ARHGAP32: variants seen among roughly 807,000 people sequenced by gnomAD.
The protein encoded by ARHGAP32 is rho GTPase-activating protein 32.
ARHGAP32 carries 51 observed loss-of-function variants against 186.5 expected under a neutral mutation model. The observed-to-expected ratio is 0.27, with a 90% CI of 0.22 to 0.35. ARHGAP32 has a LOEUF of 0.35. Among genes scored for constraint, ARHGAP32 ranks in the 10% least tolerant of loss-of-function variants. The pLI, the probability that ARHGAP32 is intolerant of heterozygous loss-of-function variation, is 1.00. For missense variants in ARHGAP32, 2,186 were observed against 2,623.5 expected (o/e 0.83, Z 3.64); for synonymous variants, 950 against 964.3 (o/e 0.99, Z 0.27).
intron 2 of ARHGAP32, among the ~76,000 whole-genome samples, chr11:129,125,681 T>C (rs1942642902): frequency 6.6e-6 from 1 of 152,006 alleles, no homozygotes; most frequent in African/African-American, 2.4e-5. Flanking sequence ...ACAGTTTACA[T>C]ACTTTTTTTT....
intron 2 of ARHGAP32, 44 bp from the exon 3 acceptor site, chr11:129,124,938 T>C (rs1362554399): frequency 1.4e-6 from 2 of 1,434,774 alleles, no homozygotes; most frequent in Non-Finnish European, 1.9e-6. Flanking sequence ...TACTTTAGTA[T>C]TACACTTTTT....
chr11:129,192,232 C>A lies in ARHGAP32; in HGVS notation c.-34G>T. ...TAAAAAACAAAAAAAACTAAACCTC[C>A]AGGCATGGAATAAAAAGCACCAACA... On this transcript the variant is annotated 5_prime_UTR_variant, in exon 1 of 23. The change creates a premature stop within an existing upstream ORF in the 5' untranslated region. Coordinates refer to ENST00000682385, the MANE Select transcript of ARHGAP32 (RefSeq NM_001378024.1). 2.0e-6 allele frequency: 3 copies of A among 1,484,442 alleles called. No homozygotes were observed. Among genetic ancestry groups the A allele is most frequent in the Non-Finnish European group, 2.8e-6 (3 of 1,065,118 alleles). 92.0% of individuals were successfully genotyped at this position (1,484,442 alleles called of 1,614,324 possible). A position where few individuals can be genotyped will look rare whatever the true frequency, so the allele number is the denominator to read the frequency against.
At chr11:129,192,499 T>A (rs144559653), upstream of ARHGAP32, among the ~76,000 whole-genome samples, 1 of 152,356 alleles carries the variant, frequency 6.6e-6, no homozygotes, top group African/African-American at 2.4e-5. Flanking sequence ...TCTGTAATAA[T>A]GACTCTTCTC....
chr11:129,249,882 A>G (rs1032748100), intron 1 of ARHGAP32, among the ~76,000 whole-genome samples: 2 of 152,088 alleles, frequency 1.3e-5, no homozygotes, highest in African/African-American at 4.8e-5. Context: ...CAACTTTGCC[A>G]CTTAACTGGT....
chr11:129,246,668 T>C (rs924665902), intron 1 of ARHGAP32, among the ~76,000 whole-genome samples: 3 of 152,218 alleles, frequency 2.0e-5, no homozygotes, highest in Non-Finnish European at 2.9e-5. Flanking sequence ...TAGACTATTT[T>C]TGACTATAGG....
chr11:129,212,405 C>A (rs1003335185), intron 1 of ARHGAP32, among the ~76,000 whole-genome samples: 1 of 152,006 alleles, frequency 6.6e-6, no homozygotes, highest in Admixed American at 6.6e-5. Flanking sequence ...TATGCACATA[C>A]AGAAAGTTTT....
At chr11:129,053,848 A>G (rs1288519400) in intron 10 of ARHGAP32, among the ~76,000 whole-genome samples, 1 of 152,200 alleles carries the variant, frequency 6.6e-6, no homozygotes, top group Non-Finnish European at 1.5e-5. Context: ...TTAACTGGAG[A>G]GTAAACATTT....
chr11:128,976,683 T>C, intron 19 of ARHGAP32, 49 bp from the exon 20 acceptor site: 1 of 1,474,994 alleles, frequency 6.8e-7, no homozygotes, highest in South Asian at 1.1e-5. Flanking sequence ...TTGTTACATA[T>C]GTGGTTAATG....
chr11:129,224,767 G>GC (rs1173141445), intron 1 of ARHGAP32, among the ~76,000 whole-genome samples: 1 of 11,006 alleles, frequency 9.1e-5, no homozygotes, highest in African/African-American at 3.4e-4. Flanking sequence ...CTTGGCTAGA[G>GC]CAAAAAAAAA....
In ARHGAP32 at chr11:128,967,249, CAAT is replaced by C. The variant is rs1300854995; in HGVS notation, c.*1655_*1657del. On this transcript the variant is annotated 3_prime_UTR_variant, in exon 23 of 23. Transcript: ENST00000682385. The stretch of plus-strand genomic sequence containing the variant: ...TCCTAATCTTTATACAATTTCACAG[CAAT>C]AATAGCAGCATGATTTTAGCCTCTT... 2 of 152,088 alleles carry C rather than the reference CAAT, an allele frequency of 1.3e-5. No homozygotes were observed. The highest frequency in any genetic ancestry group is 2.9e-5 in the Non-Finnish European group (2 of 68,020). The allele number at this position is 152,088 out of a possible 1,614,324, so 9.4% of individuals were successfully genotyped here. A position where few individuals can be genotyped will look rare whatever the true frequency, so the allele number is the denominator to read the frequency against.
At chr11:128,980,441 C>G (rs1412756926) in intron 18 of ARHGAP32, 112 bp downstream of exon 18, 1 of 774,530 alleles carries the variant, frequency 1.3e-6, no homozygotes, top group Non-Finnish European at 2.0e-6. Context: ...CTGGGACTAG[C>G]CTAGAATTCA....
chr11:129,047,709 C>T (rs538429247), intron 10 of ARHGAP32, among the ~76,000 whole-genome samples: 126 of 152,200 alleles, frequency 8.3e-4, no homozygotes, highest in Middle Eastern at 3.4e-3. Flanking sequence ...TCCCCACTCC[C>T]GAAACATGCT....
chr11:129,125,982 T>C, intron 2 of ARHGAP32: 1 of 429,116 alleles, frequency 2.3e-6, no homozygotes, highest in South Asian at 1.7e-5. Flanking sequence ...TGAAACTTTT[T>C]ATAAATATGA....
At chr11:129,122,543 A>G (rs1942557595) in intron 5 of ARHGAP32, among the ~76,000 whole-genome samples, 1 of 152,144 alleles carries the variant, frequency 6.6e-6, no homozygotes. Flanking sequence ...ATGGAACAAA[A>G]TATCCTTTGT....
intron 1 of ARHGAP32, among the ~76,000 whole-genome samples, chr11:129,189,705 G>C (rs1003674493): frequency 6.6e-6 from 1 of 152,130 alleles, no homozygotes; most frequent in Non-Finnish European, 1.5e-5. Context: ...CCATGAAGGA[G>C]ACCGGCAACT....
chr11:129,240,064 C>T lies in ARHGAP32; in HGVS notation c.-5+39082G>A, dbSNP rs188482197. Among the ~76,000 whole-genome samples, 588 of 151,774 alleles carry T rather than the reference C, an allele frequency of 3.9e-3. 2 individuals carry two copies. The highest frequency in any genetic ancestry group is 8.9e-3 in the African/African-American group (369 of 41,374). On this transcript the variant is annotated intron_variant, in intron 1 of 6. Coordinates refer to the ARHGAP32 transcript ENST00000525234. ...ACTTTTTCATTTTTTTTTTCTGAGA[C>T]GGAGTCTCACTCTGCTGCCCAGGCT...
chr11:129,164,679 AT>A (rs1378086897), intron 1 of ARHGAP32, among the ~76,000 whole-genome samples: 1 of 152,182 alleles, frequency 6.6e-6, no homozygotes, highest in Non-Finnish European at 1.5e-5. Flanking sequence ...GTCCATGGTT[AT>A]TATATAAAAA....
chr11:129,154,423 T>G (rs1044098575), intron 2 of ARHGAP32, among the ~76,000 whole-genome samples: 2 of 152,124 alleles, frequency 1.3e-5, no homozygotes, highest in African/African-American at 4.8e-5. Context: ...AAAAAGACAC[T>G]TGCATGCACA....
chr11:129,021,266 A>T (rs1419351383), intron 11 of ARHGAP32, among the ~76,000 whole-genome samples: 1 of 152,098 alleles, frequency 6.6e-6, no homozygotes, highest in Non-Finnish European at 1.5e-5. Context: ...TTTTAGACAC[A>T]GAAGAGGTAA....
Sources: allele counts gnomAD v4.1 joint callset (sites outside exome capture counted in the v4.1 genomes callset), GRCh38; gene constraint gnomAD v4.1.1; transcripts MANE v1.5; gene names NCBI Gene and HGNC (gene_info 2026-07-23, HGNC 2026-07-21).